Variants in CASC3 observed in about 807,000 individuals in gnomAD.
The protein encoded by CASC3 is protein CASC3.
A neutral mutation model predicts 80.5 loss-of-function variants in CASC3; 30 were observed. The ratio of observed to expected loss-of-function variants is 0.37; its 90% CI spans 0.28 to 0.51. The LOEUF (loss-of-function observed/expected upper bound fraction) is 0.51, where lower values mean the gene tolerates loss of function less well. Ranked by LOEUF, CASC3 falls within the 20% of genes least tolerant of loss-of-function variation. CASC3 has a pLI of 0.94. For synonymous variants in CASC3, 312 were observed against 333.6 expected (o/e 0.94, Z 0.70); for missense variants, 824 against 922.2 (o/e 0.89, Z 1.38).
At chr17:40,169,559 G>A in intron 12 of CASC3, 39 bp from the exon 13 acceptor site, 1 of 1,586,788 alleles carries the variant, frequency 6.3e-7, no homozygotes. Flanking sequence ...CAGTCTTTTT[G>A]TTATGACCTG....
chr17:40,146,432 CTTT>C (rs761549032), intron 3 of CASC3, among the ~76,000 whole-genome samples: 11 of 134,952 alleles, frequency 8.2e-5, no homozygotes, highest in African/African-American at 3.0e-4. Context: ...AGTACGATTT[CTTT>C]TTTTTTTTTT....
chr17:40,164,016 A>G lies in CASC3; in HGVS notation c.1321A>G (p.Thr441Ala). ...TCCAGCACCTCCAGTCCCAGAAACC[A>G]CCCCAACTCCACCTACTAAGACTGG... ...LIPAPPVPET[T>A]PTPPTKTGTW... is the part of the protein sequence containing the mutation. The change falls in exon 7 of 14, where the codon ACC (threonine) becomes GCC (alanine). Residue 441 changes from threonine to alanine, a missense_variant. Coordinates refer to ENST00000264645, the MANE Select transcript of CASC3 (RefSeq NM_007359.5). 1 of 1,613,744 alleles carries G rather than the reference A, an allele frequency of 6.2e-7. No individual in the cohort carries two copies.
Position 40,171,936 on chromosome 17 carries a change from G to T in CASC3, c.*1531G>T. The T allele has an allele frequency of 7.9e-7, 1 of 1,272,022 alleles. No individual in the cohort carries two copies. 78.8% of individuals were successfully genotyped at this position (1,272,022 alleles called of 1,614,324 possible). On this transcript the variant is annotated 3_prime_UTR_variant, in exon 14 of 14. Transcript: ENST00000264645. ...TCTTCTAGGGGTAGCTGGTGGTTGT[G>T]CCTTTTGTAGGCTGTTCCCTTTGCC...
At chr17:40,153,148 C>G (rs1989054099) in intron 3 of CASC3, among the ~76,000 whole-genome samples, 1 of 152,108 alleles carries the variant, frequency 6.6e-6, no homozygotes, top group African/African-American at 2.4e-5. Context: ...GTTTTATATC[C>G]TTTTACCACG....
At chr17:40,141,183 C>T (rs1026880562) in intron 1 of CASC3, 24 bp from the exon 2 acceptor site, 3 of 1,611,812 alleles carry the variant, frequency 1.9e-6, no homozygotes, top group Admixed American at 1.7e-5. Flanking sequence ...ACAGAACTAA[C>T]CCATGTCTTC....
In CASC3 at chr17:40,172,079, T is replaced by A. The variant is rs775784078; in HGVS notation, c.*1674T>A. ...GTGTTTAGTTGCAAGGATTTTTCCA[T>A]GTGTGGTGGTGTTTTTTGTTACTGT... is the stretch of plus-strand genomic sequence containing the variant. On this transcript the variant is annotated 3_prime_UTR_variant, in exon 14 of 14. Transcript: ENST00000264645. 1.2e-5 allele frequency: 15 copies of A among 1,289,830 alleles called. No individual in the cohort carries two copies. In the South Asian group the frequency reaches 1.9e-4, roughly 16 times the overall value. 79.9% of individuals were successfully genotyped at this position (1,289,830 alleles called of 1,614,324 possible).
intron 3 of CASC3, among the ~76,000 whole-genome samples, chr17:40,159,542 G>T (rs1428019887): frequency 2.2e-5 from 3 of 133,890 alleles, no homozygotes; most frequent in South Asian, 2.3e-4. Flanking sequence ...AGTTCATTGT[G>T]TGTTTTTTTT....
chr17:40,161,679 T>C, intron 3 of CASC3, 74 bp from the exon 4 acceptor site: 1 of 1,319,438 alleles, frequency 7.6e-7, no homozygotes, highest in Non-Finnish European at 1.1e-6. Context: ...TGTTTTGGGG[T>C]TGGGGGCAGG....
At position 40,140,685 on chromosome 17, in the gene CASC3, G is replaced by A. The variant is rs1465198742; in HGVS notation, c.137G>A (p.Gly46Asp). 6.3e-7 allele frequency: 1 copy of A among 1,596,622 alleles called. No homozygotes were observed. Among genetic ancestry groups the A allele is most frequent in the Non-Finnish European group, 8.5e-7 (1 of 1,173,296 alleles). Residue 46 changes from glycine to aspartate, a missense_variant, in exon 1 of 14, where the codon GGC becomes GAC. Transcript: ENST00000264645. ...GGTAGCGCCGGAGGCGGCGGCAGCG[G>A]CTCTCTGCCTTCACAGCGCGGAGGC... ...CSGSAGGGGS[G>D]SLPSQRGGRT... is the part of the protein sequence containing the mutation.
chr17:40,150,415 CGTGTGTGTGTGT>C (rs10545573), intron 3 of CASC3, among the ~76,000 whole-genome samples: 6 of 148,940 alleles, frequency 4.0e-5, no homozygotes, highest in African/African-American at 9.9e-5. Flanking sequence ...AGAGTGTGTG[CGTGTGTGTGTGT>C]GTGTGTGTGT....
At chr17:40,147,196 A>C (rs1363793536) in intron 3 of CASC3, among the ~76,000 whole-genome samples, 1 of 152,236 alleles carries the variant, frequency 6.6e-6, no homozygotes, top group African/African-American at 2.4e-5. Context: ...AGAGCTGTTT[A>C]GAGGTTGTTA....
chr17:40,163,351 T>G (rs1270696627), intron 6 of CASC3, 130 bp from the exon 7 acceptor site: 10 of 714,372 alleles, frequency 1.4e-5, no homozygotes, highest in African/African-American at 3.6e-5. Context: ...GCCAGGCTGG[T>G]CTTGAACTCC....
intron 3 of CASC3, among the ~76,000 whole-genome samples, chr17:40,142,428 A>C (rs1988742082): frequency 6.6e-6 from 1 of 152,216 alleles, no homozygotes; most frequent in African/African-American, 2.4e-5. Flanking sequence ...GGAAAGATTA[A>C]ACAGTTGGCT....
intron 3 of CASC3, among the ~76,000 whole-genome samples, chr17:40,159,017 C>T (rs1432972919): frequency 1.3e-5 from 2 of 152,118 alleles, no homozygotes; most frequent in African/African-American, 4.8e-5. Context: ...AGGAGGTTCG[C>T]TTGAGCTCAG....
At chr17:40,156,668 G>A (rs758235877) in intron 3 of CASC3, among the ~76,000 whole-genome samples, 4 of 151,938 alleles carry the variant, frequency 2.6e-5, no homozygotes, top group Non-Finnish European at 2.9e-5. Context: ...CAGCTGGGGC[G>A]ACAGAGTGAG....
chr17:40,171,537 G>T lies in CASC3; in HGVS notation c.*1132G>T, dbSNP rs1482633403. Reference sequence around the variant, plus strand: ...TAGATGTTACTACCTTATTTTCCCCGAATTCTATTTTTGTCCTTGCAGACA... The same window carrying T: ...TAGATGTTACTACCTTATTTTCCCCTAATTCTATTTTTGTCCTTGCAGACA... On this transcript the variant is annotated 3_prime_UTR_variant, in exon 14 of 14. Coordinates refer to ENST00000264645, the MANE Select transcript of CASC3 (RefSeq NM_007359.5). The T allele has an allele frequency of 8.2e-5, 81 of 988,452 alleles. No homozygotes were observed. Among genetic ancestry groups the T allele is most frequent in the Non-Finnish European group, 9.6e-5 (80 of 831,590 alleles). 61.2% of individuals were successfully genotyped at this position (988,452 alleles called of 1,614,324 possible). A position where few individuals can be genotyped will look rare whatever the true frequency, so the allele number is the denominator to read the frequency against.
intron 7 of CASC3, among the ~76,000 whole-genome samples, chr17:40,166,019 G>A (rs1989442589): frequency 1.3e-5 from 2 of 151,972 alleles, no homozygotes; most frequent in African/African-American, 2.4e-5. Context: ...TCTTACCTCT[G>A]CCACCCAGAG....
chr17:40,167,043 C>T, intron 8 of CASC3, 182 bp downstream of exon 8: 1 of 546,942 alleles, frequency 1.8e-6, no homozygotes, highest in East Asian at 3.2e-5. Flanking sequence ...ACTGCAAGCT[C>T]TGCCTCCTGG....
chr17:40,158,037 C>T (rs1416943392), intron 3 of CASC3, among the ~76,000 whole-genome samples: 2 of 152,096 alleles, frequency 1.3e-5, no homozygotes, highest in East Asian at 3.9e-4. Context: ...GAGAGGCAGG[C>T]ATACTTGCTG....
Sources: allele counts gnomAD v4.1 joint callset (sites outside exome capture counted in the v4.1 genomes callset), GRCh38; gene constraint gnomAD v4.1.1; transcripts MANE v1.5; gene names NCBI Gene and HGNC (gene_info 2026-07-23, HGNC 2026-07-21).